MYO9B: variants seen among roughly 807,000 people sequenced by gnomAD.
MYO9B encodes the protein myosin IXB.
In MYO9B, 71 loss-of-function variants were observed where a neutral mutation model predicts 229.5. The ratio of observed to expected loss-of-function variants is 0.31; its 90% CI spans 0.26 to 0.38. The LOEUF (loss-of-function observed/expected upper bound fraction) is 0.38, where lower values mean the gene tolerates loss of function less well. Among genes scored for constraint, MYO9B ranks in the 10% least tolerant of loss-of-function variants. The probability of loss-of-function intolerance (pLI) is 1.00; values close to 1 mark genes in which losing one functional copy is unlikely to be tolerated. For synonymous variants in MYO9B, 1,185 were observed against 1,235.8 expected (o/e 0.96, Z 0.86); for missense variants, 2,255 against 2,920.5 (o/e 0.77, Z 5.25).
chr19:17,125,555 G>A (rs1023459728), intron 2 of MYO9B, among the ~76,000 whole-genome samples: 5 of 152,120 alleles, frequency 3.3e-5, no homozygotes, highest in African/African-American at 9.7e-5. Flanking sequence ...ACCCCTGTAG[G>A]GTTTGCTGTG....
chr19:17,203,107 T>G, intron 29 of MYO9B, 40 bp from the exon 30 acceptor site: 1 of 1,510,248 alleles, frequency 6.6e-7, no homozygotes, highest in African/African-American at 1.4e-5. Context: ...GAGGGCTGCC[T>G]TCCCCTTTCC....
Position 17,184,884 on chromosome 19 carries a change from C to G in MYO9B, c.2393C>G (p.Ser798Cys), listed in dbSNP as rs756767408. 2 of 1,613,888 alleles carry G rather than the reference C, an allele frequency of 1.2e-6. No homozygotes were observed. The highest frequency in any genetic ancestry group is 1.7e-5 in the Admixed American group (1 of 60,016). The stretch of plus-strand genomic sequence containing the variant: ...TCCTAGAACCTACTGGACTCCAAGT[C>G]CCTGAAACTCATCATCAGCATGACT... ...IIPKNLLDSK[S>C]LKLIISMTLH... is the part of the protein sequence containing the mutation. Residue 798 changes from serine to cysteine, a missense_variant, in exon 17 of 40, where the codon TCC becomes TGC. Coordinates refer to ENST00000682292, the MANE Select transcript of MYO9B (RefSeq NM_004145.4).
At position 17,193,057 on chromosome 19, in the gene MYO9B, C is replaced by T. The variant is rs2073004114; in HGVS notation, c.3123C>T (p.Arg1041=). The change falls in exon 21 of 40, where the codon CGC becomes CGT. Residue 1041 remains arginine, a synonymous_variant. Coordinates refer to ENST00000682292, the MANE Select transcript of MYO9B (RefSeq NM_004145.4). The surrounding 1 kb of genome is among the most constrained non-coding windows in gnomAD (Gnocchi z 4.3). ...GCCTGTGTCGGGGGCACCTGCAGCGCAAGAGGTGAGCAGAGCCGGGCCACG... is the reference window on the plus strand; with the variant it reads ...GCCTGTGTCGGGGGCACCTGCAGCGTAAGAGGTGAGCAGAGCCGGGCCACG... The part of the protein sequence containing the change: ...LQSLCRGHLQ[R]KSFSQMISEK... 2 of 1,455,758 alleles carry T rather than the reference C, an allele frequency of 1.4e-6. No individual in the cohort carries two copies. The highest frequency in any genetic ancestry group is 1.4e-5 in the South Asian group (1 of 70,840). The allele number at this position is 1,455,758 out of a possible 1,614,324, so 90.2% of individuals were successfully genotyped here.
At chr19:17,205,128 G>A in intron 30 of MYO9B, 135 bp from the exon 31 acceptor site, 1 of 631,794 alleles carries the variant, frequency 1.6e-6, no homozygotes, top group Admixed American at 2.9e-5. Context: ...TCTAGCCTGA[G>A]AACAAGAGTG....
At chr19:17,129,963 G>A (rs1483290200) in intron 2 of MYO9B, among the ~76,000 whole-genome samples, 1 of 152,086 alleles carries the variant, frequency 6.6e-6, no homozygotes, top group East Asian at 1.9e-4. Context: ...CTACAAGTGT[G>A]TACCACCAGA....
chr19:17,102,319 A>C lies in MYO9B; in HGVS notation c.602A>C (p.Lys201Thr). 6.2e-7 allele frequency: 1 copy of C among 1,614,068 alleles called. No individual in the cohort carries two copies. Among genetic ancestry groups the C allele is most frequent in the Non-Finnish European group, 8.5e-7 (1 of 1,179,900 alleles). Reference protein sequence around the residue: ...FLPIYNPKYVKMYENQQLGKL... With the variant: ...FLPIYNPKYVTMYENQQLGKL... The stretch of plus-strand genomic sequence containing the variant: ...CCCATCTACAACCCCAAGTACGTGA[A>C]GATGTATGAGAACCAGCAGCTGGGC... Residue 201 changes from lysine (K) to threonine (T), a missense_variant, in exon 2 of 40, where the codon AAG becomes ACG. Lys to Thr is a moderately conservative substitution (Grantham distance 78). Transcript: ENST00000682292.
chr19:17,210,646 G>T, intron 37 of MYO9B, 69 bp from the exon 38 acceptor site: 1 of 1,471,168 alleles, frequency 6.8e-7, no homozygotes, highest in East Asian at 2.5e-5. Context: ...CCTGGGATCT[G>T]CTCACACCTC....
At chr19:17,119,073 T>G (rs1307566262) in intron 2 of MYO9B, among the ~76,000 whole-genome samples, 2 of 151,922 alleles carry the variant, frequency 1.3e-5, no homozygotes, top group Non-Finnish European at 2.9e-5. Flanking sequence ...GATGTGGGGG[T>G]TTGAGTGCAG....
intron 1 of MYO9B, among the ~76,000 whole-genome samples, chr19:17,100,479 C>CA (rs1568660782): frequency 6.6e-6 from 1 of 151,930 alleles, no homozygotes; most frequent in African/African-American, 2.4e-5. Context: ...ATCTCAAAAA[C>CA]AAAAAAAGAA....
At chr19:17,155,293 A>G (rs1022368426) in intron 6 of MYO9B, among the ~76,000 whole-genome samples, 3 of 151,444 alleles carry the variant, frequency 2.0e-5, no homozygotes. Flanking sequence ...GGTTCAGGTG[A>G]TCCTCCCACC....
intron 2 of MYO9B, among the ~76,000 whole-genome samples, chr19:17,132,034 C>G (rs1045646840): frequency 6.6e-6 from 1 of 151,820 alleles, no homozygotes; most frequent in South Asian, 2.1e-4. Context: ...CATGCATCAC[C>G]ACGCCTGGCT....
At chr19:17,200,136 G>C (rs1031407554) in intron 24 of MYO9B, among the ~76,000 whole-genome samples, 157 bp from the exon 25 acceptor site, 1 of 152,158 alleles carries the variant, frequency 6.6e-6, no homozygotes, top group Admixed American at 6.5e-5. Flanking sequence ...ATCTCCCAAA[G>C]TGCTGGGATT....
intron 2 of MYO9B, among the ~76,000 whole-genome samples, chr19:17,135,896 G>T (rs1163915286): frequency 6.6e-6 from 1 of 152,042 alleles, no homozygotes; most frequent in East Asian, 1.9e-4. Flanking sequence ...AGGTACAAAT[G>T]TACATTTCTG....
chr19:17,184,890 A>G lies in MYO9B; in HGVS notation c.2399A>G (p.Lys800Arg), dbSNP rs2072900508. ...AACCTACTGGACTCCAAGTCCCTGA[A>G]ACTCATCATCAGCATGACTCTGCAC... Reference protein sequence around the residue: ...PKNLLDSKSLKLIISMTLHDR... With the variant: ...PKNLLDSKSLRLIISMTLHDR... The change falls in exon 17 of 40, where the codon AAA (lysine) becomes AGA (arginine). Residue 800 changes from lysine (K) to arginine (R), a missense_variant. This residue lies in a region of MYO9B where 155 missense variants were observed against 159.1 expected (regional missense o/e 0.97). Coordinates refer to ENST00000682292, the MANE Select transcript of MYO9B (RefSeq NM_004145.4). 1 of 1,613,846 alleles carries G rather than the reference A, an allele frequency of 6.2e-7. No homozygotes were observed. The highest frequency in any genetic ancestry group is 1.3e-5 in the African/African-American group (1 of 75,056).
rs190032951 is a variant in MYO9B, at chr19:17,149,263, G to A, written c.936-3381G>A. Among the ~76,000 whole-genome samples, 6 of 152,296 alleles carry A rather than the reference G, an allele frequency of 3.9e-5. No individual in the cohort carries two copies. The East Asian group carries it at 1.2e-3, about 29-fold the overall frequency. On this transcript the variant is annotated intron_variant, in intron 3 of 39. Coordinates refer to ENST00000682292, the MANE Select transcript of MYO9B (RefSeq NM_004145.4). ...AAAGCTCTGGGGATTACAGGCATGA[G>A]CCACTGCGCCCAGCTCCCTTTTTCC...
At position 17,145,169 on chromosome 19, in the gene MYO9B, A is replaced by G. The variant is rs913162177; in HGVS notation, c.841-228A>G. Among the ~76,000 whole-genome samples, 5 of 151,768 alleles carry G rather than the reference A, an allele frequency of 3.3e-5. No homozygotes were observed. In the South Asian group the frequency reaches 8.3e-4, roughly 25 times the overall value. On this transcript the variant is annotated intron_variant, in intron 2 of 39. Transcript: ENST00000682292. ...CGCACATCTGTAGTCCCAGCTACTC[A>G]GGAGGCTGAGGCATGAGAATTGCTT... is the stretch of plus-strand genomic sequence containing the variant.
In MYO9B at chr19:17,183,603, G is replaced by A. The variant is rs551383372; in HGVS notation, c.2334-226G>A. On this transcript the variant is annotated intron_variant, in intron 15 of 39. Coordinates refer to ENST00000682292, the MANE Select transcript of MYO9B (RefSeq NM_004145.4). ...TTTGGGGCAGCCACCAGCAGAGTCC[G>A]GGTGCCGCCAACCCAGGGAAACTGG... The A allele has an allele frequency of 1.9e-3, 1,053 of 546,498 alleles. 2 individuals are homozygous for A. Among genetic ancestry groups the A allele is most frequent in the Middle Eastern group, 2.9e-3 (8 of 2,760 alleles). 33.9% of individuals were successfully genotyped at this position (546,498 alleles called of 1,614,324 possible). A position where few individuals can be genotyped will look rare whatever the true frequency, so the allele number is the denominator to read the frequency against.
rs74332276 is a variant in MYO9B at position 17,208,353 on chromosome 19, A to AAGCAACT, written c.5624+1110_5624+1111insGCAACTA. 8.0e-5 allele frequency among the ~76,000 whole-genome samples: 10 copies of AAGCAACT among 124,614 alleles called. 1 individual carries two copies. The highest frequency in any genetic ancestry group is 8.6e-5 in the Admixed American group (1 of 11,694). The allele number at this position is 124,614 out of a possible 152,430, so 81.8% of individuals were successfully genotyped here. On this transcript the variant is annotated intron_variant, in intron 35 of 39. Coordinates refer to ENST00000682292, the MANE Select transcript of MYO9B (RefSeq NM_004145.4). Reference sequence around the variant, plus strand: ...GACTCCGTCTCAAAAAAAAAAAAAAAATCCAGATGGCAGTGGCCCCAGCAG... The same window carrying AAGCAACT: ...GACTCCGTCTCAAAAAAAAAAAAAAAAGCAACTATCCAGATGGCAGTGGCCCCAGCAG...
intron 10 of MYO9B, among the ~76,000 whole-genome samples, chr19:17,166,499 G>GTT (rs772505293): frequency 2.1e-5 from 3 of 145,146 alleles, no homozygotes; most frequent in Non-Finnish European, 4.6e-5. Flanking sequence ...ATATATTTAT[G>GTT]TTTTTTTTTT....
Sources: allele counts gnomAD v4.1 joint callset (sites outside exome capture counted in the v4.1 genomes callset), GRCh38; gene constraint gnomAD v4.1.1; regional missense constraint gnomAD v4.1.1; non-coding constraint Gnocchi (gnomAD v3.1); transcripts MANE v1.5; gene names NCBI Gene and HGNC (gene_info 2026-07-23, HGNC 2026-07-21).